PPP3CA: variants seen among roughly 807,000 people sequenced by gnomAD.
The protein encoded by PPP3CA is CAM-PRP catalytic subunit.
In PPP3CA, 14 loss-of-function variants were observed where a neutral mutation model predicts 66.5. The ratio of observed to expected loss-of-function variants is 0.21; its 90% CI spans 0.14 to 0.33. The LOEUF (loss-of-function observed/expected upper bound fraction) is 0.33. Ranked by LOEUF, PPP3CA falls within the 10% of genes least tolerant of loss-of-function variation. The pLI, the probability that PPP3CA is intolerant of heterozygous loss-of-function variation, is 1.00. For synonymous variants in PPP3CA, 232 were observed against 226.2 expected (o/e 1.03, Z -0.23); for missense variants, 317 against 639.5 (o/e 0.50, Z 5.44).
At chr4:101,042,741 T>C (rs1297907840) in intron 10 of PPP3CA, among the ~76,000 whole-genome samples, 1 of 152,080 alleles carries the variant, frequency 6.6e-6, no homozygotes, top group Non-Finnish European at 1.5e-5. Context: ...CCATCTAAAA[T>C]TGAATTCTCT....
intron 1 of PPP3CA, among the ~76,000 whole-genome samples, chr4:101,314,253 G>C (rs144827890): frequency 6.6e-6 from 1 of 151,978 alleles, no homozygotes; most frequent in African/African-American, 2.4e-5. Context: ...GAGTAAGTTC[G>C]GCAGATGGGC....
intron 2 of PPP3CA, among the ~76,000 whole-genome samples, chr4:101,178,553 C>T (rs1724136895): frequency 6.6e-6 from 1 of 152,020 alleles, no homozygotes; most frequent in Non-Finnish European, 1.5e-5. Context: ...TACTGTGCTC[C>T]CAGAGTCCTT....
chr4:101,041,114 T>C (rs548131013), intron 10 of PPP3CA, among the ~76,000 whole-genome samples: 1 of 152,338 alleles, frequency 6.6e-6, no homozygotes, highest in South Asian at 2.1e-4. Flanking sequence ...TTGATACTCT[T>C]TCATCTTCTG....
intron 10 of PPP3CA, among the ~76,000 whole-genome samples, chr4:101,045,955 T>C (rs1727746860): frequency 6.6e-6 from 1 of 152,218 alleles, no homozygotes; most frequent in Non-Finnish European, 1.5e-5. Context: ...TATTTTGTAA[T>C]AAAATGTCAA....
chr4:101,260,412 A>C (rs1726974934), intron 1 of PPP3CA, among the ~76,000 whole-genome samples: 1 of 152,182 alleles, frequency 6.6e-6, no homozygotes, highest in African/African-American at 2.4e-5. Flanking sequence ...ACAAAATTTA[A>C]ATGACCTGAT....
chr4:101,102,937 CTTAA>C (rs1043874712), intron 3 of PPP3CA, among the ~76,000 whole-genome samples: 1 of 152,098 alleles, frequency 6.6e-6, no homozygotes, highest in Admixed American at 6.5e-5. Context: ...TATTCTGACT[CTTAA>C]TTAAACAAAT....
intron 1 of PPP3CA, among the ~76,000 whole-genome samples, chr4:101,336,766 G>A (rs747277804): frequency 7.2e-5 from 11 of 151,984 alleles, no homozygotes; most frequent in South Asian, 2.1e-4. Context: ...AGGATGGAGT[G>A]AGAGGTATAT....
chr4:101,317,253 A>AACAC (rs3840161), intron 1 of PPP3CA, among the ~76,000 whole-genome samples: 1,977 of 145,388 alleles, frequency 0.014, 21 homozygotes, highest in Non-Finnish European at 0.015. Flanking sequence ...CGGTACTCCC[A>AACAC]ACACACACAC....
At chr4:101,299,373 TTTTG>T (rs1728304204) in intron 1 of PPP3CA, among the ~76,000 whole-genome samples, 1 of 151,436 alleles carries the variant, frequency 6.6e-6, no homozygotes, top group Non-Finnish European at 1.5e-5. Context: ...CAGAAGGTTT[TTTTG>T]TTTGTTTTTT....
chr4:101,291,870 T>G (rs1357098015), intron 1 of PPP3CA, among the ~76,000 whole-genome samples: 1 of 152,174 alleles, frequency 6.6e-6, no homozygotes, highest in Non-Finnish European at 1.5e-5. Flanking sequence ...GGCTCACACC[T>G]GTAATCCTAA....
At chr4:101,090,716 T>C (rs1444142112) in intron 6 of PPP3CA, among the ~76,000 whole-genome samples, 6 of 150,314 alleles carry the variant, frequency 4.0e-5, no homozygotes, top group African/African-American at 1.5e-4. Flanking sequence ...AGTGAAAATA[T>C]GTTTAATTCT....
intron 6 of PPP3CA, among the ~76,000 whole-genome samples, chr4:101,085,363 A>G (rs1729618707): frequency 6.6e-6 from 1 of 152,190 alleles, no homozygotes; most frequent in Non-Finnish European, 1.5e-5. Flanking sequence ...GGAACAACTT[A>G]CACTATTCTT....
At position 101,032,343 on chromosome 4, in the gene PPP3CA, C is replaced by G. The variant is rs1372871418; in HGVS notation, c.1263G>C (p.Leu421=). Residue 421 remains leucine (L), a synonymous_variant, in exon 12 of 14, where the codon CTG becomes CTC. Transcript: ENST00000394854. ...CAGTTGGGGTCAAGCCTTTCAGCGT[C>G]AGCACACTCTCACTCTCTTCTCTGG... ...SVLREESESV[L]TLKGLTPTGM... is the part of the protein sequence containing the mutation. The G allele has an allele frequency of 1.2e-6, 2 of 1,613,260 alleles. No individual in the cohort carries two copies. Among genetic ancestry groups the G allele is most frequent in the Non-Finnish European group, 8.5e-7 (1 of 1,179,620 alleles).
At chr4:101,098,774 C>T (rs1730312982) in intron 4 of PPP3CA, among the ~76,000 whole-genome samples, 1 of 151,988 alleles carries the variant, frequency 6.6e-6, no homozygotes, top group Non-Finnish European at 1.5e-5. Context: ...TTTTTATATA[C>T]ATTCTGGCTA....
At chr4:101,052,317 C>T (rs1297734281) in intron 10 of PPP3CA, among the ~76,000 whole-genome samples, 2 of 151,946 alleles carry the variant, frequency 1.3e-5, no homozygotes, top group Non-Finnish European at 1.5e-5. Flanking sequence ...GCCCTAAATA[C>T]GATAAGAATC....
At chr4:101,310,414 A>G (rs1728685713) in intron 1 of PPP3CA, among the ~76,000 whole-genome samples, 1 of 152,162 alleles carries the variant, frequency 6.6e-6, no homozygotes, top group Admixed American at 6.5e-5. Flanking sequence ...TTAAAAGAAA[A>G]AAGGCCTATA....
intron 2 of PPP3CA, among the ~76,000 whole-genome samples, chr4:101,120,831 A>T (rs1013062845): frequency 2.6e-5 from 4 of 152,084 alleles, no homozygotes; most frequent in African/African-American, 9.7e-5. Flanking sequence ...CAGTATCTTA[A>T]ACTGACTTAA....
intron 1 of PPP3CA, among the ~76,000 whole-genome samples, chr4:101,300,060 G>T (rs948942636): frequency 6.6e-6 from 1 of 152,166 alleles, no homozygotes; most frequent in Non-Finnish European, 1.5e-5. Flanking sequence ...CTACTAAGAA[G>T]GCGGGGTGGA....
intron 2 of PPP3CA, among the ~76,000 whole-genome samples, chr4:101,173,616 A>G (rs998274391): frequency 1.3e-5 from 2 of 152,320 alleles, no homozygotes; most frequent in Non-Finnish European, 1.5e-5. Flanking sequence ...GCAAGCATAC[A>G]TAAGTTTTAA....
Sources: gnomAD v4.1 joint callset for allele counts (sites outside exome capture counted in the v4.1 genomes callset) on GRCh38, gnomAD v4.1.1 for gene constraint, MANE v1.5 for transcripts, NCBI Gene and HGNC (gene_info 2026-07-23, HGNC 2026-07-21) for gene names.